CLPB: variants seen among roughly 807,000 people sequenced by gnomAD.
The protein encoded by CLPB is ClpB family mitochondrial disaggregase.
Under a neutral mutation model 78.4 loss-of-function variants are expected in CLPB, and 40 were observed. That is an observed-to-expected ratio of 0.51 (90% CI 0.40 to 0.66). The LOEUF (loss-of-function observed/expected upper bound fraction) is 0.66. Ranked by LOEUF, CLPB falls within the 30% of genes least tolerant of loss-of-function variation. The pLI, the probability that CLPB is intolerant of heterozygous loss-of-function variation, is 0.00. For missense variants in CLPB, 780 were observed against 886.9 expected (o/e 0.88, Z 1.53); for synonymous variants, 333 against 348.0 (o/e 0.96, Z 0.48).
chr11:72,364,270 T>C (rs1159460954), intron 4 of CLPB, among the ~76,000 whole-genome samples: 1 of 152,186 alleles, frequency 6.6e-6, no homozygotes, highest in Admixed American at 6.5e-5. Context: ...CTCGGCTCAC[T>C]GCAACCTCCG....
intron 9 of CLPB, 29 bp from the exon 10 acceptor site, chr11:72,302,377 C>T (rs753853501): frequency 3.7e-6 from 6 of 1,611,288 alleles, no homozygotes; most frequent in Non-Finnish European, 5.1e-6. Context: ...GTACCAACTC[C>T]GTTTGGAGGC....
At chr11:72,401,726 T>G (rs774025346) in intron 3 of CLPB, among the ~76,000 whole-genome samples, 2 of 152,222 alleles carry the variant, frequency 1.3e-5, no homozygotes, top group Non-Finnish European at 2.9e-5. Flanking sequence ...AATTGGTACC[T>G]CCAACTATCA....
intron 2 of CLPB, among the ~76,000 whole-genome samples, chr11:72,418,490 G>A (rs1856091146): frequency 6.6e-6 from 1 of 152,186 alleles, no homozygotes; most frequent in South Asian, 2.1e-4. Flanking sequence ...CTAACCAATG[G>A]TCACAGCCAG....
chr11:72,412,863 T>C (rs1231341036), intron 2 of CLPB, among the ~76,000 whole-genome samples: 1 of 152,226 alleles, frequency 6.6e-6, no homozygotes, highest in Non-Finnish European at 1.5e-5. Context: ...GTGATCATTC[T>C]TTGTCCCATC....
chr11:72,382,092 T>C (rs563260253), intron 3 of CLPB, among the ~76,000 whole-genome samples: 1 of 151,834 alleles, frequency 6.6e-6, no homozygotes, highest in African/African-American at 2.4e-5. Context: ...GCTCCGTGCC[T>C]GCCCAGGAAC....
At chr11:72,398,596 T>C (rs1022344749) in intron 3 of CLPB, among the ~76,000 whole-genome samples, 2 of 152,224 alleles carry the variant, frequency 1.3e-5, no homozygotes, top group Non-Finnish European at 2.9e-5. Flanking sequence ...GAAGGCTGTG[T>C]ATATTTGCAC....
intron 5 of CLPB, among the ~76,000 whole-genome samples, chr11:72,349,558 A>C (rs1950576209): frequency 6.6e-6 from 1 of 152,216 alleles, no homozygotes; most frequent in South Asian, 2.1e-4. Flanking sequence ...GGGAAGGGAC[A>C]CTTGGTTCTG....
intron 6 of CLPB, among the ~76,000 whole-genome samples, chr11:72,323,104 CTGTT>C (rs1950071846): frequency 6.6e-6 from 1 of 152,144 alleles, no homozygotes. Context: ...AACTTTCTAT[CTGTT>C]AGAAGTATTA....
At chr11:72,334,286 G>A (rs1296117477) in intron 5 of CLPB, among the ~76,000 whole-genome samples, 1 of 152,200 alleles carries the variant, frequency 6.6e-6, no homozygotes, top group African/African-American at 2.4e-5. Flanking sequence ...CCAGCACAGG[G>A]GCTCCTTTTA....
intron 2 of CLPB, among the ~76,000 whole-genome samples, chr11:72,418,570 T>C (rs1856093498): frequency 6.6e-6 from 1 of 152,134 alleles, no homozygotes; most frequent in Non-Finnish European, 1.5e-5. Flanking sequence ...AGAAATCCAC[T>C]TGAAGGCCAG....
At chr11:72,342,902 G>C (rs1255435510) in intron 5 of CLPB, among the ~76,000 whole-genome samples, 1 of 152,186 alleles carries the variant, frequency 6.6e-6, no homozygotes, top group African/African-American at 2.4e-5. Flanking sequence ...ATTGAAAGGA[G>C]GCTGAGGAAA....
Position 72,317,120 on chromosome 11 carries a change from G to A in CLPB, c.974C>T (p.Ala325Val). ...EHIIGQESAIATVGAAIRRKE... is the reference protein window; with the variant it reads ...EHIIGQESAIVTVGAAIRRKE... ...CACACACTCACCAGCACCCACTGTG[G>A]CGATGGCGCTCTCCTGGCCAATGAT... Residue 325 changes from alanine to valine, a missense_variant, in exon 7 of 16, where the codon GCC becomes GTC. This residue lies in a region of CLPB where 91 missense variants were observed against 168.2 expected (regional missense o/e 0.54). Transcript: ENST00000538039. The A allele has an allele frequency of 6.2e-7, 1 of 1,610,516 alleles. No homozygotes were observed. The highest frequency in any genetic ancestry group is 8.5e-7 in the Non-Finnish European group (1 of 1,178,844).
chr11:72,406,126 A>T (rs868716173), intron 2 of CLPB, among the ~76,000 whole-genome samples: 1 of 152,160 alleles, frequency 6.6e-6, no homozygotes, highest in South Asian at 2.1e-4. Context: ...TGAAGGGCGA[A>T]GAGTACAAAA....
chr11:72,372,972 C>T, intron 4 of CLPB: 1 of 1,614,100 alleles, frequency 6.2e-7, no homozygotes, highest in Non-Finnish European at 8.5e-7. Context: ...GGCACTTGTC[C>T]ACTGGTTTGT....
Position 72,434,244 on chromosome 11 carries a change from G to C in CLPB, c.231C>G (p.Arg77=). Residue 77 remains arginine (R), a synonymous_variant, in exon 1 of 16, where the codon CGC becomes CGG. Transcript: ENST00000538039. ...CAGCCGCGAGGCATTTGGTATCGAA[G>C]CGTCCTCCCTGGCGCCCCCCGGTGG... ...GAATGGRQGG[R]FDTKCLAAAT... is the part of the protein sequence containing the mutation. 1.2e-6 allele frequency: 2 copies of C among 1,613,406 alleles called. No homozygotes were observed. Among genetic ancestry groups the C allele is most frequent in the Non-Finnish European group, 1.7e-6 (2 of 1,179,946 alleles).
At position 72,427,295 on chromosome 11, in the gene CLPB, A is replaced by G. The variant is rs368130941; in HGVS notation, c.455+3017T>C. Among the ~76,000 whole-genome samples, 5 of 152,326 alleles carry G rather than the reference A, an allele frequency of 3.3e-5. No individual in the cohort carries two copies. The South Asian group carries it at 1.0e-3, about 32-fold the overall frequency. ...GAGGTCAAGTAGAGGCAGACACAGT[A>G]CAGAGCCCCAGAGAGGTCAAGTGGG... On this transcript the variant is annotated intron_variant, in intron 2 of 15. Coordinates refer to ENST00000538039, the MANE Select transcript of CLPB (RefSeq NM_001258392.3).
intron 4 of CLPB, among the ~76,000 whole-genome samples, chr11:72,366,635 A>G (rs1214479356): frequency 6.6e-6 from 1 of 152,240 alleles, no homozygotes; most frequent in African/African-American, 2.4e-5. Context: ...ACAAGCAACC[A>G]ACAAACATAT....
chr11:72,302,057 T>A, intron 10 of CLPB, 93 bp from the exon 11 acceptor site: 1 of 1,402,880 alleles, frequency 7.1e-7, no homozygotes. Context: ...TATACGCTAT[T>A]AAGGTTGCCT....
intron 5 of CLPB, among the ~76,000 whole-genome samples, chr11:72,358,013 C>A (rs1267587870): frequency 6.6e-6 from 1 of 152,182 alleles, no homozygotes; most frequent in Non-Finnish European, 1.5e-5. Flanking sequence ...CTGTGCTCCA[C>A]ACATCCTGGC....
Sources: gnomAD v4.1 joint callset for allele counts (sites outside exome capture counted in the v4.1 genomes callset) on GRCh38, gnomAD v4.1.1 for gene constraint, gnomAD v4.1.1 regional missense constraint, MANE v1.5 for transcripts, NCBI Gene and HGNC (gene_info 2026-07-23, HGNC 2026-07-21) for gene names.